The following GTF2H3 variants were observed in gnomAD, a reference collection of about 807,000 sequenced individuals.
GTF2H3 encodes the protein TFIIH basal transcription factor complex p34 subunit.
In GTF2H3, 42 loss-of-function variants were observed where a neutral mutation model predicts 51.1. That is an observed-to-expected ratio of 0.82 (90% CI 0.64 to 1.06). The LOEUF (loss-of-function observed/expected upper bound fraction) is 1.06, where lower values mean the gene tolerates loss of function less well. Ranked by LOEUF, GTF2H3 falls within the 50% of genes least tolerant of loss-of-function variation. The pLI is 0.00. For synonymous variants in GTF2H3, 123 were observed against 123.8 expected (o/e 0.99, Z 0.04); for missense variants, 326 against 366.1 (o/e 0.89, Z 0.89).
intron 8 of GTF2H3, 49 bp downstream of exon 8, chr12:123,655,047 T>C (rs1335771974): frequency 6.9e-7 from 1 of 1,451,798 alleles, no homozygotes; most frequent in African/African-American, 1.4e-5. Context: ...AACGAAGGAG[T>C]CAATTTCATT....
At chr12:123,659,453 C>G (rs776283199) in intron 9 of GTF2H3, 63 bp from the exon 10 acceptor site, 4 of 1,343,504 alleles carry the variant, frequency 3.0e-6, no homozygotes, top group Non-Finnish European at 4.3e-6. Flanking sequence ...CTCATGAGAA[C>G]CTCATTCCTC....
intron 3 of GTF2H3, among the ~76,000 whole-genome samples, chr12:123,646,039 TG>T (rs1955442369): frequency 6.6e-6 from 1 of 152,196 alleles, no homozygotes; most frequent in Non-Finnish European, 1.5e-5. Flanking sequence ...CTACTCCATC[TG>T]GTGCTTGGCA....
intron 4 of GTF2H3, chr12:123,650,425 T>G (rs2135791400): frequency 6.5e-6 from 1 of 153,234 alleles, no homozygotes; most frequent in African/African-American, 2.4e-5. Context: ...TCCAGGCTGC[T>G]AGACTTATGC....
intron 2 of GTF2H3, among the ~76,000 whole-genome samples, chr12:123,642,184 T>TC (rs71308018): frequency 6.6e-6 from 1 of 150,432 alleles, no homozygotes; most frequent in African/African-American, 2.5e-5. Context: ...TTTCTTTTTT[T>TC]TTTTGAGACA....
intron 2 of GTF2H3, among the ~76,000 whole-genome samples, chr12:123,642,326 A>G (rs1341285619): frequency 6.6e-6 from 1 of 151,804 alleles, no homozygotes; most frequent in African/African-American, 2.4e-5. Flanking sequence ...ATGCACCACC[A>G]CACCCAGCTA....
chr12:123,640,400 G>A (rs1955353270), intron 2 of GTF2H3, among the ~76,000 whole-genome samples: 1 of 148,504 alleles, frequency 6.7e-6, no homozygotes, highest in African/African-American at 2.5e-5. Flanking sequence ...GCAATGGCGC[G>A]ATCTCGGCTC....
At chr12:123,643,290 A>G (rs367887251) in intron 2 of GTF2H3, among the ~76,000 whole-genome samples, 4 of 152,202 alleles carry the variant, frequency 2.6e-5, no homozygotes, top group South Asian at 4.1e-4. Flanking sequence ...AGTATTGTGC[A>G]TTTTACTGTT....
chr12:123,642,551 G>T (rs553142345), intron 2 of GTF2H3, among the ~76,000 whole-genome samples: 41 of 152,248 alleles, frequency 2.7e-4, no homozygotes, highest in Middle Eastern at 6.8e-3. Flanking sequence ...ATATCTTTTG[G>T]GGGGACATAA....
chr12:123,658,042 A>G (rs1955608440), intron 9 of GTF2H3, among the ~76,000 whole-genome samples: 1 of 152,192 alleles, frequency 6.6e-6, no homozygotes, highest in South Asian at 2.1e-4. Flanking sequence ...ACCAAATTCA[A>G]AAGAGTTTTA....
Position 123,647,979 on chromosome 12 carries a change from G to C in GTF2H3, c.217G>C (p.Gly73Arg). 2.5e-6 allele frequency: 4 copies of C among 1,613,366 alleles called. No homozygotes were observed. The highest frequency in any genetic ancestry group is 3.4e-6 in the Non-Finnish European group (4 of 1,179,704). ...HIQESRFLYPGKNGRLGDFFG... is the reference protein window; with the variant it reads ...HIQESRFLYPRKNGRLGDFFG... ...CTGTTTCAGCCGATTCTTATATCCT[G>C]GAAAGAATGGCAGACTTGGAGACTT... Residue 73 changes from glycine to arginine, a missense_variant, in exon 4 of 13, where the codon GGA becomes CGA. Coordinates refer to ENST00000543341, the MANE Select transcript of GTF2H3 (RefSeq NM_001516.5).
intron 5 of GTF2H3, 147 bp downstream of exon 5, chr12:123,651,203 T>C: frequency 1.7e-6 from 1 of 573,126 alleles, no homozygotes; most frequent in Non-Finnish European, 3.1e-6. Context: ...ATAGTTTACA[T>C]TGGCTTTGAA....
At chr12:123,640,412 C>T (rs1292728770) in intron 2 of GTF2H3, among the ~76,000 whole-genome samples, 1 of 149,792 alleles carries the variant, frequency 6.7e-6, no homozygotes, top group Non-Finnish European at 1.5e-5. Flanking sequence ...TCTCGGCTCA[C>T]TGCAACCTTT....
chr12:123,641,257 C>T (rs866113840), intron 2 of GTF2H3, among the ~76,000 whole-genome samples: 5 of 148,560 alleles, frequency 3.4e-5, no homozygotes, highest in Admixed American at 6.7e-5. Context: ...AATGGAGTTT[C>T]GCTCTGTCAC....
At chr12:123,651,892 T>G (rs1477340493) in intron 5 of GTF2H3, among the ~76,000 whole-genome samples, 1 of 152,040 alleles carries the variant, frequency 6.6e-6, no homozygotes, top group Non-Finnish European at 1.5e-5. Context: ...CTCTAGCTTC[T>G]CCATTATGTC....
At position 123,651,049 on chromosome 12, in the gene GTF2H3, C is replaced by G; in HGVS notation, c.420C>G (p.Ala140=). The G allele has an allele frequency of 6.2e-7, 1 of 1,610,350 alleles. No individual in the cohort carries two copies. Among genetic ancestry groups the G allele is most frequent in the Non-Finnish European group, 8.5e-7 (1 of 1,176,692 alleles). ...TGCTGGCAGGATCCCTGGCCAAAGC[C>G]CTTTGCTGTATCCTTGGTGTCTGAA... The part of the protein sequence containing the change: ...ETLLAGSLAK[A]LCYIHRMNKE... Residue 140 remains alanine, a synonymous_variant, in exon 5 of 13, where the codon GCC becomes GCG. Coordinates refer to ENST00000543341, the MANE Select transcript of GTF2H3 (RefSeq NM_001516.5).
At chr12:123,655,928 AAT>A (rs1195752781) in intron 9 of GTF2H3, 104 bp downstream of exon 9, 56 of 725,896 alleles carry the variant, frequency 7.7e-5, no homozygotes, top group Non-Finnish European at 1.1e-4. Context: ...GGTTAAATAA[AAT>A]ATGTTATTCA....
chr12:123,660,205 C>G lies in GTF2H3; in HGVS notation c.897C>G (p.Ala299=). ...TTTCTCTGCCTCCAGTGCTGAAAGC[C>G]AAGAAAAAGAAACTGAAAGTGTCTG... ...FKISLPPVLK[A]KKKKLKVSA Residue 299 remains alanine, a synonymous_variant, in exon 13 of 13, where the codon GCC becomes GCG. Coordinates refer to ENST00000543341, the MANE Select transcript of GTF2H3 (RefSeq NM_001516.5). 1 of 1,610,236 alleles carries G rather than the reference C, an allele frequency of 6.2e-7. No individual in the cohort carries two copies. The highest frequency in any genetic ancestry group is 1.3e-5 in the African/African-American group (1 of 74,752).
intron 7 of GTF2H3, among the ~76,000 whole-genome samples, chr12:123,653,443 C>T (rs1424811731): frequency 6.6e-6 from 1 of 151,672 alleles, no homozygotes; most frequent in Non-Finnish European, 1.5e-5. Flanking sequence ...GGGTGGATCA[C>T]GAGGTCAGGA....
chr12:123,645,214 G>A (rs1195234114), intron 2 of GTF2H3, among the ~76,000 whole-genome samples: 1 of 152,100 alleles, frequency 6.6e-6, no homozygotes, highest in Non-Finnish European at 1.5e-5. Context: ...AAGACTACAG[G>A]TGCACACCAC....
Sources: gnomAD v4.1 joint callset for allele counts (sites outside exome capture counted in the v4.1 genomes callset) on GRCh38, gnomAD v4.1.1 for gene constraint, MANE v1.5 for transcripts, NCBI Gene and HGNC (gene_info 2026-07-23, HGNC 2026-07-21) for gene names.